VXN: variants seen among roughly 807,000 people sequenced by gnomAD.
VXN encodes the protein uncharacterized protein C8orf46.
A neutral mutation model predicts 23.1 loss-of-function variants in VXN; 7 were observed. That is an observed-to-expected ratio of 0.30 (90% CI 0.17 to 0.57). The LOEUF is 0.57. Ranked by LOEUF, VXN falls within the 20% of genes least tolerant of loss-of-function variation. VXN has a pLI of 0.91. For synonymous variants in VXN, 120 were observed against 105.8 expected (o/e 1.13, Z -0.83); for missense variants, 238 against 272.6 (o/e 0.87, Z 0.89).
chr8:66,502,063 C>T (rs568094223), intron 2 of VXN, among the ~76,000 whole-genome samples: 27 of 152,342 alleles, frequency 1.8e-4, no homozygotes, highest in African/African-American at 4.3e-4. Context: ...CCTCTTTCCT[C>T]CCTGAGCAAT....
chr8:66,510,535 G>A (rs1009475492), intron 4 of VXN, among the ~76,000 whole-genome samples: 4 of 152,184 alleles, frequency 2.6e-5, no homozygotes, highest in Non-Finnish European at 2.9e-5. Flanking sequence ...AAAGAGAGGC[G>A]AGGCTCTCGA....
intron 4 of VXN, among the ~76,000 whole-genome samples, chr8:66,511,331 G>A (rs914004322): frequency 3.3e-5 from 5 of 152,188 alleles, no homozygotes; most frequent in African/African-American, 9.7e-5. Context: ...TGTGAGAACC[G>A]GAAGAGACCC....
intron 2 of VXN, among the ~76,000 whole-genome samples, chr8:66,499,202 T>C (rs920702596): frequency 2.0e-5 from 3 of 151,220 alleles, no homozygotes; most frequent in Admixed American, 6.6e-5. Flanking sequence ...CATATAAGCA[T>C]TCAATAAGTA....
At chr8:66,501,079 T>A (rs1368789127) in intron 2 of VXN, 2 of 152,100 alleles carry the variant, frequency 1.3e-5, no homozygotes, top group Non-Finnish European at 2.9e-5. Flanking sequence ...TTTCACCATG[T>A]TGGTCAGGCT....
intron 2 of VXN, chr8:66,501,196 C>T (rs937765144): frequency 2.6e-5 from 4 of 152,012 alleles, no homozygotes; most frequent in African/African-American, 4.8e-5. Flanking sequence ...TTTTTTATGG[C>T]CGTGTAGTAA....
At chr8:66,513,855 G>A (rs181173487) in intron 5 of VXN, 405 of 503,778 alleles carry the variant, frequency 8.0e-4, no homozygotes, top group Admixed American at 9.7e-4. Context: ...GTTTTTCATG[G>A]TTTCCACTTC....
chr8:66,499,957 G>C (rs190352476), intron 2 of VXN, among the ~76,000 whole-genome samples: 1 of 151,534 alleles, frequency 6.6e-6, no homozygotes, highest in African/African-American at 2.4e-5. Flanking sequence ...GAACTCTTGG[G>C]CTCAAGCAAA....
At chr8:66,507,584 G>T (rs1238196314) in intron 3 of VXN, among the ~76,000 whole-genome samples, 3 of 152,182 alleles carry the variant, frequency 2.0e-5, no homozygotes, top group Admixed American at 1.3e-4. Context: ...TAAGTAGTTT[G>T]TGGAAGCTTG....
intron 4 of VXN, 41 bp from the exon 5 acceptor site, chr8:66,513,499 G>A (rs1433027736): frequency 7.8e-6 from 12 of 1,532,824 alleles, no homozygotes; most frequent in African/African-American, 1.4e-5. Context: ...GAGTGGGAAG[G>A]CAGATGCATC....
At chr8:66,512,728 G>A (rs62512586) in intron 4 of VXN, among the ~76,000 whole-genome samples, 319 of 152,266 alleles carry the variant, frequency 2.1e-3, no homozygotes, top group South Asian at 2.9e-3. Flanking sequence ...CCAGCCTCAG[G>A]GAAGGCTTCC....
rs150374278 is a variant in VXN, at chr8:66,511,496, A to T, written c.342+1339A>T. Among the ~76,000 whole-genome samples the T allele has an allele frequency of 2.5e-3, 381 of 152,236 alleles. 2 individuals are homozygous for T. The highest frequency in any genetic ancestry group is 9.0e-3 in the African/African-American group (375 of 41,522). ...ACACAGGGCTGTTTCCCCTTCCCCAACCTGGTACTTAGGGGAAACCAGGAG... is the reference window on the plus strand; with the variant it reads ...ACACAGGGCTGTTTCCCCTTCCCCATCCTGGTACTTAGGGGAAACCAGGAG... On this transcript the variant is annotated intron_variant, in intron 4 of 5. Coordinates refer to ENST00000305454, the MANE Select transcript of VXN (RefSeq NM_152765.4).
chr8:66,510,050 A>G, intron 3 of VXN, 46 bp from the exon 4 acceptor site: 1 of 1,543,070 alleles, frequency 6.5e-7, no homozygotes, highest in Non-Finnish European at 9.0e-7. Context: ...TGGGAGGCAG[A>G]ACACAGAGTA....
chr8:66,501,371 G>A (rs1563506234), intron 2 of VXN: 1 of 152,186 alleles, frequency 6.6e-6, no homozygotes, highest in African/African-American at 2.4e-5. Context: ...TTAATGGATG[G>A]AAAATTTGAT....
chr8:66,506,407 T>A (rs765100540), intron 3 of VXN, among the ~76,000 whole-genome samples: 5 of 152,022 alleles, frequency 3.3e-5, no homozygotes, highest in Non-Finnish European at 7.4e-5. Flanking sequence ...TAGTTTTACC[T>A]TGGATGCTAT....
rs1313567880 is a variant in VXN at position 66,518,273 on chromosome 8, T to C, written c.*2197T>C. 1 of 152,244 alleles carries C rather than the reference T, an allele frequency of 6.6e-6. No homozygotes were observed. The highest frequency in any genetic ancestry group is 2.4e-5 in the African/African-American group (1 of 41,474). 9.4% of individuals were successfully genotyped at this position (152,244 alleles called of 1,614,324 possible). On this transcript the variant is annotated 3_prime_UTR_variant, in exon 6 of 6. Coordinates refer to ENST00000305454, the MANE Select transcript of VXN (RefSeq NM_152765.4). ...AGAGATCCATCCTCCCACCTCAGTC[T>C]CCTGAAAGCTGGGATGACAGGCACA... is the stretch of plus-strand genomic sequence containing the variant.
chr8:66,498,895 G>C lies in VXN; in HGVS notation c.126+2403G>C, dbSNP rs954934716. Reference sequence around the variant, plus strand: ...ACTGTATACTATCAGCAAATCCTGAGAAGCTGCAGAAGAGAGGGGTTAGGT... The same window carrying C: ...ACTGTATACTATCAGCAAATCCTGACAAGCTGCAGAAGAGAGGGGTTAGGT... On this transcript the variant is annotated intron_variant, in intron 2 of 5. Coordinates refer to ENST00000305454, the MANE Select transcript of VXN (RefSeq NM_152765.4). 7.1e-5 allele frequency: 32 copies of C among 451,164 alleles called. 2 individuals carry two copies. Among genetic ancestry groups the C allele is most frequent in the Admixed American group, 4.8e-4 (20 of 41,600 alleles). The allele number at this position is 451,164 out of a possible 1,614,324, so 27.9% of individuals were successfully genotyped here.
intron 3 of VXN, among the ~76,000 whole-genome samples, chr8:66,506,232 AGTGTGTGTGTGT>A (rs61613088): frequency 5.0e-5 from 7 of 140,430 alleles, no homozygotes; most frequent in African/African-American, 8.0e-5. Flanking sequence ...AGAGAGAGAC[AGTGTGTGTGTGT>A]GTGTGTGTGT....
intron 1 of VXN, among the ~76,000 whole-genome samples, chr8:66,494,223 C>T (rs887447263): frequency 6.6e-6 from 1 of 152,174 alleles, no homozygotes; most frequent in African/African-American, 2.4e-5. Flanking sequence ...CTCCACAGAA[C>T]CCAGGGCCAC....
chr8:66,494,324 T>G (rs569278709), intron 1 of VXN, among the ~76,000 whole-genome samples: 1 of 152,250 alleles, frequency 6.6e-6, no homozygotes, highest in East Asian at 1.9e-4. Flanking sequence ...GTGAACGGTG[T>G]TAAGGGCTTT....
Sources: gnomAD v4.1 joint callset for allele counts (sites outside exome capture counted in the v4.1 genomes callset) on GRCh38, gnomAD v4.1.1 for gene constraint, MANE v1.5 for transcripts, NCBI Gene and HGNC (gene_info 2026-07-23, HGNC 2026-07-21) for gene names.